SHISA9: variants seen among roughly 807,000 people sequenced by gnomAD.
The protein encoded by SHISA9 is protein shisa-9.
A neutral mutation model predicts 38.0 loss-of-function variants in SHISA9; 13 were observed. The observed-to-expected ratio is 0.34, with a 90% CI of 0.22 to 0.54. The LOEUF is 0.54. Ranked by LOEUF, SHISA9 falls within the 20% of genes least tolerant of loss-of-function variation. The probability of loss-of-function intolerance (pLI) is 0.91; values close to 1 mark genes in which losing one functional copy is unlikely to be tolerated. For missense variants in SHISA9, 538 were observed against 575.8 expected, an observed-to-expected ratio of 0.93 and a Z score of 0.67; for synonymous variants, 275 against 242.0, an observed-to-expected ratio of 1.14 and a Z score of -1.27.
intron 2 of SHISA9, among the ~76,000 whole-genome samples, chr16:13,159,681 G>T (rs966916488): frequency 6.6e-6 from 1 of 152,158 alleles, no homozygotes; most frequent in African/African-American, 2.4e-5. Context: ...AGTTCCATAG[G>T]TTCCAGATAT....
At chr16:13,443,785 C>G in the SHISA9 span, among the ~76,000 whole-genome samples, 1 of 152,012 alleles carries the variant, frequency 6.6e-6, no homozygotes, top group African/African-American at 2.4e-5. Context: ...ATCTAATGCC[C>G]CTTTATTATT....
chr16:13,018,462 C>T (rs1384705368), intron 2 of SHISA9, among the ~76,000 whole-genome samples: 1 of 152,232 alleles, frequency 6.6e-6, no homozygotes, highest in Non-Finnish European at 1.5e-5. Flanking sequence ...TTGCCCAGCA[C>T]CCAAATCCTC....
the SHISA9 span, among the ~76,000 whole-genome samples, chr16:13,335,545 T>C: frequency 4.6e-5 from 7 of 152,212 alleles, no homozygotes; most frequent in Admixed American, 2.6e-4. Context: ...TTTTGGGACA[T>C]TCCTGCTCCG....
At chr16:13,264,567 G>T in the SHISA9 span, among the ~76,000 whole-genome samples, 3 of 152,058 alleles carry the variant, frequency 2.0e-5, no homozygotes, top group African/African-American at 7.2e-5. Context: ...TAAACATTTT[G>T]CGCTTCAAAG....
At chr16:13,557,752 G>A in the SHISA9 span, among the ~76,000 whole-genome samples, 1 of 152,060 alleles carries the variant, frequency 6.6e-6, no homozygotes, top group Non-Finnish European at 1.5e-5. Context: ...TCTCTACCCA[G>A]GAAGGAGATG....
the SHISA9 span, among the ~76,000 whole-genome samples, chr16:13,537,480 A>G: frequency 6.6e-6 from 1 of 152,060 alleles, no homozygotes; most frequent in African/African-American, 2.4e-5. Context: ...ATTAGAATAA[A>G]TGGAATATTT....
chr16:12,997,516 C>T (rs994660738), intron 2 of SHISA9, among the ~76,000 whole-genome samples: 2 of 151,302 alleles, frequency 1.3e-5, no homozygotes, highest in African/African-American at 2.4e-5. Context: ...AAGCAATTCT[C>T]CCACCTTAGC....
chr16:13,394,268 C>T, the SHISA9 span, among the ~76,000 whole-genome samples: 1 of 152,188 alleles, frequency 6.6e-6, no homozygotes. Flanking sequence ...AGAGATACAG[C>T]CCCTCTACAA....
chr16:13,396,303 T>C, the SHISA9 span, among the ~76,000 whole-genome samples: 1 of 152,180 alleles, frequency 6.6e-6, no homozygotes, highest in Non-Finnish European at 1.5e-5. Context: ...GGTCAGGAGT[T>C]TGAGACCAGC....
chr16:13,006,417 A>G (rs2072599029), intron 2 of SHISA9, among the ~76,000 whole-genome samples: 1 of 152,186 alleles, frequency 6.6e-6, no homozygotes, highest in Non-Finnish European at 1.5e-5. Flanking sequence ...GTATTTATCA[A>G]GCACGTTCTC....
chr16:13,476,992 C>T, the SHISA9 span, among the ~76,000 whole-genome samples: 2 of 151,888 alleles, frequency 1.3e-5, no homozygotes, highest in African/African-American at 2.4e-5. Flanking sequence ...ATTATCTGCC[C>T]GCCTCGGCCT....
chr16:12,902,837 TGTGTGTGTGAGC>T lies in SHISA9; in HGVS notation c.563+220_563+231del, dbSNP rs1384461103. The T allele has an allele frequency of 1.4e-4, 83 of 575,702 alleles. No homozygotes were observed. The African/African-American group carries it at 1.6e-3, about 11-fold the overall frequency. The allele number at this position is 575,702 out of a possible 1,614,324, so 35.7% of individuals were successfully genotyped here. On this transcript the variant is annotated intron_variant, in intron 1 of 4. Transcript: ENST00000558583. ...ACAGGTGTGGGTCTGAGCGTGTTCG[TGTGTGTGTGAGC>T]GTGTGTGTGTGTGTGTGTGACTCTG...
the SHISA9 span, among the ~76,000 whole-genome samples, chr16:13,482,238 C>T: frequency 4.6e-5 from 7 of 152,354 alleles, no homozygotes; most frequent in Admixed American, 1.3e-4. Flanking sequence ...GCCAAGTCAC[C>T]ATGGGTGATT....
At chr16:13,274,011 C>T in the SHISA9 span, among the ~76,000 whole-genome samples, 1 of 152,166 alleles carries the variant, frequency 6.6e-6, no homozygotes, top group African/African-American at 2.4e-5. Context: ...GAATCATTCA[C>T]TGTGTGACCT....
chr16:13,242,419 C>G (rs552859523), downstream of SHISA9, among the ~76,000 whole-genome samples: 2 of 152,152 alleles, frequency 1.3e-5, no homozygotes, highest in Non-Finnish European at 1.5e-5. Flanking sequence ...GATGAGAAGC[C>G]TTGCACAGTG....
the SHISA9 span, among the ~76,000 whole-genome samples, chr16:13,501,873 A>G: frequency 6.6e-6 from 1 of 152,196 alleles, no homozygotes; most frequent in South Asian, 2.1e-4. Flanking sequence ...ATGGTGGCAC[A>G]TGCTTGTAAT....
chr16:13,254,183 C>T, the SHISA9 span, among the ~76,000 whole-genome samples: 1 of 152,272 alleles, frequency 6.6e-6, no homozygotes, highest in East Asian at 1.9e-4. Context: ...CATACATTAG[C>T]AGTTGTCTTC....
rs935298038 is a variant in SHISA9 at position 13,114,249 on chromosome 16, A to G, written c.692-89145A>G. On this transcript the variant is annotated intron_variant, in intron 2 of 4. Coordinates refer to ENST00000558583, the MANE Select transcript of SHISA9 (RefSeq NM_001145204.3). ...TGGGAGGCTGAGGCGGGCAGATCAC[A>G]AGGTCAGGAGATCGAGACCATCCTG... 5.3e-5 allele frequency among the ~76,000 whole-genome samples: 8 copies of G among 151,942 alleles called. 1 individual carries two copies. Among genetic ancestry groups the G allele is most frequent in the African/African-American group, 1.7e-4 (7 of 41,424 alleles).
the SHISA9 span, among the ~76,000 whole-genome samples, chr16:13,559,446 T>G: frequency 4.6e-5 from 7 of 151,646 alleles, no homozygotes; most frequent in Non-Finnish European, 2.9e-5. Flanking sequence ...GGCACAATCA[T>G]AGCTCATTGC....
Sources: allele counts gnomAD v4.1 joint callset (sites outside exome capture counted in the v4.1 genomes callset), GRCh38; gene constraint gnomAD v4.1.1; transcripts MANE v1.5; gene names NCBI Gene and HGNC (gene_info 2026-07-23, HGNC 2026-07-21).